DAGLB: variants seen among roughly 807,000 people sequenced by gnomAD.
DAGLB encodes diacylglycerol lipase-beta.
Under a neutral mutation model 72.1 loss-of-function variants are expected in DAGLB, and 66 were observed. The ratio of observed to expected loss-of-function variants is 0.92; its 90% CI spans 0.75 to 1.12. The LOEUF is 1.12. Ranked by LOEUF, DAGLB falls within the 50% of genes most tolerant of loss-of-function variation. The pLI, the probability that DAGLB is intolerant of heterozygous loss-of-function variation, is 0.00. For synonymous variants in DAGLB, 414 were observed against 359.5 expected, an observed-to-expected ratio of 1.15 and a Z score of -1.71; for missense variants, 1,065 against 884.9, an observed-to-expected ratio of 1.20 and a Z score of -2.58.
chr7:6,431,166 A>G (rs1784476693), intron 5 of DAGLB, among the ~76,000 whole-genome samples: 1 of 151,706 alleles, frequency 6.6e-6, no homozygotes, highest in Admixed American at 6.6e-5. Context: ...TGCTGAAATG[A>G]GCCGGCGCTT....
At chr7:6,444,171 G>A (rs1462462618) in intron 2 of DAGLB, among the ~76,000 whole-genome samples, 2 of 152,176 alleles carry the variant, frequency 1.3e-5, no homozygotes, top group African/African-American at 2.4e-5. Context: ...CTACTTGGGG[G>A]TTGAGAAGAG....
At position 6,409,980 on chromosome 7, in the gene DAGLB, A is replaced by G; in HGVS notation, c.1876T>C (p.Phe626Leu). 1 of 1,614,158 alleles carries G rather than the reference A, an allele frequency of 6.2e-7. No individual in the cohort carries two copies. The highest frequency in any genetic ancestry group is 8.5e-7 in the Non-Finnish European group (1 of 1,180,040). Residue 626 changes from phenylalanine (F) to leucine (L), a missense_variant, in exon 15 of 15, where the codon TTC becomes CTC. By Grantham distance (22) the Phe-to-Leu change is conservative. Coordinates refer to ENST00000297056, the MANE Select transcript of DAGLB (RefSeq NM_139179.4). ...YSAKWSHEAEFSKILIGPKML... is the reference protein window; with the variant it reads ...YSAKWSHEAELSKILIGPKML... The stretch of plus-strand genomic sequence containing the variant: ...TTCGGACCTATGAGTATTTTGCTGA[A>G]TTCCGCTTCGTGTGACCACTTGGCG...
chr7:6,435,023 G>A lies in DAGLB; in HGVS notation c.420-3C>T. The stretch of plus-strand genomic sequence containing the variant: ...CTGTGGCAGCGATGATGATCCAACT[G>A]CAAGACAGAGAGAGGAAAAGGCTCG... On this transcript the variant is annotated splice_region_variant and splice_polypyrimidine_tract_variant and intron_variant, in intron 3 of 14. Transcript: ENST00000297056. 1.2e-6 allele frequency: 2 copies of A among 1,612,614 alleles called. No individual in the cohort carries two copies. Among genetic ancestry groups the A allele is most frequent in the South Asian group, 1.1e-5 (1 of 91,004 alleles).
rs1327561634 is a variant in DAGLB at position 6,409,508 on chromosome 7, G to A, written c.*329C>T. The stretch of plus-strand genomic sequence containing the variant: ...CTAAGGAACTGTTCACGGTCTTCTG[G>A]GTGGGCCCTGGATTCCCGCACTTCT... On this transcript the variant is annotated 3_prime_UTR_variant, in exon 15 of 15. Transcript: ENST00000297056. 6 of 363,922 alleles carry A rather than the reference G, an allele frequency of 1.6e-5. No homozygotes were observed. Among genetic ancestry groups the A allele is most frequent in the Non-Finnish European group, 3.1e-5 (6 of 196,398 alleles). 22.5% of individuals were successfully genotyped at this position (363,922 alleles called of 1,614,324 possible). A position where few individuals can be genotyped will look rare whatever the true frequency, so the allele number is the denominator to read the frequency against.
In DAGLB at chr7:6,409,491, C is replaced by G. The variant is rs760294556; in HGVS notation, c.*346G>C. The G allele has an allele frequency of 1.3e-4, 38 of 291,602 alleles. No individual in the cohort carries two copies. The highest frequency in any genetic ancestry group is 1.9e-4 in the Admixed American group (4 of 20,948). 18.1% of individuals were successfully genotyped at this position (291,602 alleles called of 1,614,324 possible). A position where few individuals can be genotyped will look rare whatever the true frequency, so the allele number is the denominator to read the frequency against. ...GCCTTGGGGGTGGGAGGCTAAGGAA[C>G]TGTTCACGGTCTTCTGGGTGGGCCC... On this transcript the variant is annotated 3_prime_UTR_variant, in exon 15 of 15. Coordinates refer to ENST00000297056, the MANE Select transcript of DAGLB (RefSeq NM_139179.4).
At chr7:6,421,996 G>T (rs1311029516) in intron 8 of DAGLB, 192 bp from the exon 9 acceptor site, 4 of 689,244 alleles carry the variant, frequency 5.8e-6, no homozygotes, top group South Asian at 4.5e-5. Flanking sequence ...CTGATGGCAC[G>T]ACCAGCTCTG....
At chr7:6,422,100 G>A (rs1784146608) in intron 8 of DAGLB, 1 of 459,756 alleles carries the variant, frequency 2.2e-6, no homozygotes, top group Non-Finnish European at 4.2e-6. Flanking sequence ...GGACCCCGTG[G>A]CACAGAACCT....
At chr7:6,446,873 G>T (rs922246188) in intron 1 of DAGLB, among the ~76,000 whole-genome samples, 1 of 152,078 alleles carries the variant, frequency 6.6e-6, no homozygotes, top group Non-Finnish European at 1.5e-5. Flanking sequence ...AGCTGGGCGT[G>T]GTGGCACGAG....
rs757911959 is a variant in DAGLB at position 6,436,381 on chromosome 7, T to A, written c.400A>T (p.Ile134Phe). ...QCDRTVVNGIIATVVVSWIII... is the reference protein window; with the variant it reads ...QCDRTVVNGIFATVVVSWIII... ...TGTCACCTGACCACGACGGTTGCGA[T>A]GATGCCGTTTACAACTGTCCTGTCG... The change falls in exon 3 of 15, where the codon ATC becomes TTC. Residue 134 changes from isoleucine to phenylalanine, a missense_variant. Physicochemically the swap from Ile to Phe is conservative, Grantham distance 21. Transcript: ENST00000297056. 16 of 1,610,470 alleles carry A rather than the reference T, an allele frequency of 9.9e-6. No individual in the cohort carries two copies. The highest frequency in any genetic ancestry group is 1.3e-5 in the Non-Finnish European group (15 of 1,179,008).
intron 2 of DAGLB, among the ~76,000 whole-genome samples, chr7:6,436,860 G>T (rs1321310154): frequency 1.3e-5 from 2 of 151,960 alleles, no homozygotes; most frequent in Non-Finnish European, 2.9e-5. Flanking sequence ...TAATAATTAT[G>T]CTGGGGCCGG....
At chr7:6,447,721 C>G in intron 1 of DAGLB, 27 bp downstream of exon 1, 3 of 1,605,592 alleles carry the variant, frequency 1.9e-6, no homozygotes, top group Non-Finnish European at 2.6e-6. Context: ...CGGTGGGCTC[C>G]ACCGCCCCCG....
chr7:6,430,513 G>C lies in DAGLB; in HGVS notation c.896C>G (p.Pro299Arg), dbSNP rs1444117060. ...YGWPLYIYRN[P>R]LTGLCRIGGD... ...ACCAATCCTGCACAGCCCCGTGAGGGGGTTTCTGTAGATGTAGAGGGGCCA... is the reference window on the plus strand; with the variant it reads ...ACCAATCCTGCACAGCCCCGTGAGGCGGTTTCTGTAGATGTAGAGGGGCCA... The change falls in exon 6 of 15, where the codon CCC becomes CGC. Residue 299 changes from proline to arginine, a missense_variant. Transcript: ENST00000297056. 5.0e-6 allele frequency: 8 copies of C among 1,598,264 alleles called. No individual in the cohort carries two copies. The Admixed American group carries it at 1.0e-4, about 20-fold the overall frequency.
chr7:6,426,240 C>T, intron 6 of DAGLB, 126 bp from the exon 7 acceptor site: 8 of 1,389,444 alleles, frequency 5.8e-6, no homozygotes, highest in Admixed American at 2.1e-5. Flanking sequence ...CTTAGCCTGG[C>T]TGACATGGAA....
intron 4 of DAGLB, among the ~76,000 whole-genome samples, chr7:6,433,808 C>T (rs1023706021): frequency 3.3e-5 from 5 of 149,800 alleles, no homozygotes; most frequent in South Asian, 2.1e-4. Context: ...GCCAAGATGG[C>T]GCCACTGCAC....
At chr7:6,416,542 C>G in intron 11 of DAGLB, 85 bp downstream of exon 11, 1 of 1,507,530 alleles carries the variant, frequency 6.6e-7, no homozygotes, top group South Asian at 1.4e-5. Context: ...GACTTCATCT[C>G]AGGAAAATAA....
intron 6 of DAGLB, among the ~76,000 whole-genome samples, chr7:6,427,724 G>A (rs914992638): frequency 1.2e-4 from 18 of 152,064 alleles, no homozygotes; most frequent in African/African-American, 4.3e-4. Flanking sequence ...TTGAGGGTAT[G>A]GTGTTACAGT....
rs181382152 is a variant in DAGLB at position 6,439,960 on chromosome 7, G to C, written c.248-3427C>G. On this transcript the variant is annotated intron_variant, in intron 2 of 14. Coordinates refer to ENST00000297056, the MANE Select transcript of DAGLB (RefSeq NM_139179.4). ...CCAGCTACTCGGGAGGCTGAGGCAG[G>C]AGAATCGGTCGAACCCAAGAGGTAG... Among the ~76,000 whole-genome samples the C allele has an allele frequency of 7.3e-5, 11 of 151,368 alleles. 1 individual carries two copies. The East Asian group carries it at 2.1e-3, about 30-fold the overall frequency.
chr7:6,425,695 G>A (rs910711972), intron 7 of DAGLB, among the ~76,000 whole-genome samples: 7 of 152,248 alleles, frequency 4.6e-5, no homozygotes, highest in East Asian at 3.9e-4. Flanking sequence ...AAGGCCATGC[G>A]GCATTAATAC....
intron 2 of DAGLB, among the ~76,000 whole-genome samples, chr7:6,443,138 G>C (rs545679538): frequency 7.2e-4 from 107 of 148,170 alleles, no homozygotes; most frequent in Non-Finnish European, 1.3e-3. Context: ...AGCCGAGATA[G>C]AGATAGTGCC....
Sources: gnomAD v4.1 joint callset for allele counts (sites outside exome capture counted in the v4.1 genomes callset) on GRCh38, gnomAD v4.1.1 for gene constraint, MANE v1.5 for transcripts, NCBI Gene and HGNC (gene_info 2026-07-23, HGNC 2026-07-21) for gene names.